The following ERLIN1 variants were observed in gnomAD, a reference collection of about 807,000 sequenced individuals.
ERLIN1 encodes the protein ER lipid raft associated 1, also known as erlin-1.
Under a neutral mutation model 46.9 loss-of-function variants are expected in ERLIN1, and 24 were observed. The observed-to-expected ratio is 0.51, with a 90% CI of 0.37 to 0.72. ERLIN1 has a LOEUF of 0.72. Ranked by LOEUF, ERLIN1 falls within the 30% of genes least tolerant of loss-of-function variation. ERLIN1 has a pLI of 0.00. For synonymous variants in ERLIN1, 158 were observed against 143.2 expected (o/e 1.10, Z -0.74); for missense variants, 293 against 417.9 (o/e 0.70, Z 2.61).
At position 100,179,339 on chromosome 10, in the gene ERLIN1, A is replaced by G. The variant is rs556547847; in HGVS notation, c.196-92T>C. 62 of 809,016 alleles carry G rather than the reference A, an allele frequency of 7.7e-5. 1 individual carries two copies. The South Asian group carries it at 7.8e-4, about 10-fold the overall frequency. The allele number at this position is 809,016 out of a possible 1,614,324, so 50.1% of individuals were successfully genotyped here. ...GGCAAATCTCTGGAAAGCTGCTGAC[A>G]GTAAGTACAGCAGAGATCCATCACA... On this transcript the variant is annotated intron_variant, in intron 2 of 10. Coordinates refer to ENST00000421367, the MANE Select transcript of ERLIN1 (RefSeq NM_006459.4).
chr10:100,162,680 TAGAAA>T (rs1188112399), intron 8 of ERLIN1, among the ~76,000 whole-genome samples: 2 of 152,158 alleles, frequency 1.3e-5, no homozygotes, highest in Non-Finnish European at 2.9e-5. Context: ...ATTACAGTAC[TAGAAA>T]AAAGAAATTA....
chr10:100,164,143 A>G (rs1333286815), intron 7 of ERLIN1, 48 bp from the exon 8 acceptor site: 2 of 1,244,650 alleles, frequency 1.6e-6, no homozygotes, highest in Non-Finnish European at 2.3e-6. Flanking sequence ...TCCTATGTGC[A>G]GTCACAGCCA....
intron 5 of ERLIN1, among the ~76,000 whole-genome samples, chr10:100,174,742 C>T (rs1166886240): frequency 1.3e-5 from 2 of 152,116 alleles, no homozygotes; most frequent in African/African-American, 4.8e-5. Flanking sequence ...TCCCAAATAA[C>T]TAAACTTCAT....
At position 100,168,107 on chromosome 10, in the gene ERLIN1, G is replaced by T. The variant is rs146009496; in HGVS notation, c.505-701C>A. On this transcript the variant is annotated intron_variant, in intron 6 of 10. Transcript: ENST00000421367. ...ACCTGGACAGTACTGTTTTTTGAAG[G>T]CTGACTTTTCTACATCAAGGACTTG... 9.9e-3 allele frequency among the ~76,000 whole-genome samples: 1,513 copies of T among 152,142 alleles called. 11 individuals are homozygous for T. Among genetic ancestry groups the T allele is most frequent in the Non-Finnish European group, 0.014 (959 of 68,004 alleles).
chr10:100,155,659 C>G (rs1472918457), intron 9 of ERLIN1, among the ~76,000 whole-genome samples: 1 of 151,932 alleles, frequency 6.6e-6, no homozygotes, highest in Non-Finnish European at 1.5e-5. Context: ...GGACTACAGG[C>G]GCCCGCCACC....
chr10:100,179,242 T>C lies in ERLIN1; in HGVS notation c.201A>G (p.Thr67=), dbSNP rs1487566027. The change falls in exon 3 of 11, where the codon ACA becomes ACG. Residue 67 remains threonine, a synonymous_variant. Coordinates refer to ENST00000421367, the MANE Select transcript of ERLIN1 (RefSeq NM_006459.4). The part of the protein sequence containing the change: ...FITTFRSVQT[T]LQTDEVKNVP... Reference sequence around the variant, plus strand: ...CATTTTTAACTTCATCAGTTTGTAGTGTTGTCTAGGGAGGAAAAGATATCT... The same window carrying C: ...CATTTTTAACTTCATCAGTTTGTAGCGTTGTCTAGGGAGGAAAAGATATCT... The C allele has an allele frequency of 6.3e-7, 1 of 1,594,506 alleles. No homozygotes were observed. The highest frequency in any genetic ancestry group is 1.8e-5 in the Admixed American group (1 of 57,116).
chr10:100,171,163 A>T (rs971936899), intron 6 of ERLIN1, among the ~76,000 whole-genome samples: 2 of 152,210 alleles, frequency 1.3e-5, no homozygotes, highest in Non-Finnish European at 1.5e-5. Context: ...CTCTTAAAAC[A>T]TGCCAGCTCA....
intron 8 of ERLIN1, among the ~76,000 whole-genome samples, chr10:100,159,069 A>G (rs1411944717): frequency 6.6e-6 from 1 of 152,202 alleles, no homozygotes; most frequent in Non-Finnish European, 1.5e-5. Flanking sequence ...AAACATAATG[A>G]CATAGAAAAG....
intron 1 of ERLIN1, among the ~76,000 whole-genome samples, chr10:100,184,090 G>A (rs1844820821): frequency 6.6e-6 from 1 of 152,162 alleles, no homozygotes; most frequent in African/African-American, 2.4e-5. Flanking sequence ...CTCCAGCACT[G>A]CTCTAAGGTT....
chr10:100,170,765 C>T (rs1248802690), intron 6 of ERLIN1, among the ~76,000 whole-genome samples: 4 of 151,978 alleles, frequency 2.6e-5, no homozygotes, highest in African/African-American at 9.7e-5. Flanking sequence ...GAAAGAGTTA[C>T]CATTAACTGA....
At chr10:100,176,301 A>G (rs774814001) in intron 4 of ERLIN1, among the ~76,000 whole-genome samples, 3 of 152,224 alleles carry the variant, frequency 2.0e-5, no homozygotes, top group Non-Finnish European at 2.9e-5. Flanking sequence ...TAGCCCATCA[A>G]ACAGGGGCTA....
At chr10:100,157,351 A>T (rs775490003) in intron 8 of ERLIN1, among the ~76,000 whole-genome samples, 3 of 152,228 alleles carry the variant, frequency 2.0e-5, no homozygotes, top group Non-Finnish European at 4.4e-5. Context: ...TGTGGCAAGC[A>T]AGTACATGCA....
At chr10:100,183,727 T>C (rs762990094) in intron 2 of ERLIN1, 29 bp downstream of exon 2, 2 of 1,492,748 alleles carry the variant, frequency 1.3e-6, no homozygotes, top group East Asian at 4.5e-5. Flanking sequence ...GTCTATCTGG[T>C]ATGGAGGCTT....
At chr10:100,156,936 G>A (rs1203785324) in intron 8 of ERLIN1, among the ~76,000 whole-genome samples, 1 of 152,158 alleles carries the variant, frequency 6.6e-6, no homozygotes, top group Non-Finnish European at 1.5e-5. Context: ...GATCTCTTGA[G>A]CCTGGGAGGT....
At chr10:100,156,486 CCTT>C (rs1843088719) in intron 8 of ERLIN1, among the ~76,000 whole-genome samples, 1 of 152,116 alleles carries the variant, frequency 6.6e-6, no homozygotes, top group Non-Finnish European at 1.5e-5. Flanking sequence ...AAGTGCCAGT[CCTT>C]CATGCAACTC....
At chr10:100,180,064 C>T (rs140275747) in intron 2 of ERLIN1, among the ~76,000 whole-genome samples, 3 of 152,332 alleles carry the variant, frequency 2.0e-5, no homozygotes, top group African/African-American at 4.8e-5. Flanking sequence ...TAGTTTAATA[C>T]CTAGTGATCT....
intron 2 of ERLIN1, among the ~76,000 whole-genome samples, chr10:100,181,158 T>C (rs954744955): frequency 5.3e-5 from 8 of 152,206 alleles, no homozygotes; most frequent in Admixed American, 1.3e-4. Flanking sequence ...GGATATTCTC[T>C]AGCCAATTTT....
intron 5 of ERLIN1, among the ~76,000 whole-genome samples, chr10:100,175,239 T>C (rs892670235): frequency 3.0e-4 from 46 of 152,358 alleles, no homozygotes; most frequent in African/African-American, 1.1e-3. Context: ...CTTGGATTTG[T>C]AGAAGGGTCC....
intron 2 of ERLIN1, among the ~76,000 whole-genome samples, chr10:100,181,493 C>T (rs1844640282): frequency 6.8e-6 from 1 of 147,796 alleles, no homozygotes; most frequent in Non-Finnish European, 1.5e-5. Context: ...AAATTTATGT[C>T]TTACTCTCTT....
Sources: allele counts gnomAD v4.1 joint callset (sites outside exome capture counted in the v4.1 genomes callset), GRCh38; gene constraint gnomAD v4.1.1; transcripts MANE v1.5; gene names NCBI Gene and HGNC (gene_info 2026-07-23, HGNC 2026-07-21).